The following ARAP2 variants were observed in gnomAD, a reference collection of about 807,000 sequenced individuals.
ARAP2 encodes ArfGAP with RhoGAP domain, ankyrin repeat and PH domain 2.
ARAP2 carries 148 observed loss-of-function variants against 194.5 expected under a neutral mutation model. The ratio of observed to expected loss-of-function variants is 0.76; its 90% CI spans 0.67 to 0.87. The LOEUF is 0.87. ARAP2 is among the 40% of genes least tolerant of loss of function. The pLI, the probability that ARAP2 is intolerant of heterozygous loss-of-function variation, is 0.00. For missense variants in ARAP2, 2,128 were observed against 1,989.7 expected, an observed-to-expected ratio of 1.07 and a Z score of -1.32; for synonymous variants, 695 against 683.5, an observed-to-expected ratio of 1.02 and a Z score of -0.26.
At chr4:36,186,307 G>T (rs893345327) in intron 8 of ARAP2, among the ~76,000 whole-genome samples, 2 of 151,996 alleles carry the variant, frequency 1.3e-5, no homozygotes, top group African/African-American at 2.4e-5. Flanking sequence ...AATTTCTCTG[G>T]CTCCTCCCCA....
At chr4:36,036,683 C>T (rs1454555233) in intron 5 of ARAP2, among the ~76,000 whole-genome samples, 1 of 151,956 alleles carries the variant, frequency 6.6e-6, no homozygotes, top group East Asian at 1.9e-4. Flanking sequence ...TGGAATCATA[C>T]AAGATAAAAT....
intron 8 of ARAP2, among the ~76,000 whole-genome samples, chr4:36,182,468 C>T (rs1279581612): frequency 1.3e-5 from 2 of 151,004 alleles, no homozygotes; most frequent in Non-Finnish European, 2.9e-5. Flanking sequence ...TGCACTCCAG[C>T]CTGTGTGACA....
intron 15 of ARAP2, among the ~76,000 whole-genome samples, chr4:36,155,723 C>T (rs1047577908): frequency 5.3e-5 from 8 of 150,664 alleles, no homozygotes; most frequent in African/African-American, 1.5e-4. Context: ...AGTGCAGTGG[C>T]GCAATCTCGG....
chr4:36,171,652 C>T (rs562766683), intron 9 of ARAP2, among the ~76,000 whole-genome samples: 112 of 151,762 alleles, frequency 7.4e-4, no homozygotes, highest in Admixed American at 9.8e-4. Flanking sequence ...TACATGTACC[C>T]TAAAACTTAA....
At chr4:36,054,547 T>G (rs1418601781) in intron 2 of ARAP2, among the ~76,000 whole-genome samples, 1 of 152,162 alleles carries the variant, frequency 6.6e-6, no homozygotes, top group Non-Finnish European at 1.5e-5. Flanking sequence ...GAAAATGGAT[T>G]TTAATTATAA....
rs370367384 is a variant in ARAP2, at chr4:36,220,263, G to A, written c.906-5783C>T. 1.3e-4 allele frequency among the ~76,000 whole-genome samples: 20 copies of A among 151,950 alleles called. No homozygotes were observed. In the South Asian group the frequency reaches 3.5e-3, roughly 27 times the overall value. Reference sequence around the variant, plus strand: ...TGTGTGTGTGTGTACAGTCATCCCCGGCACGTTTTGATCAATGACAGACTG... The same window carrying A: ...TGTGTGTGTGTGTACAGTCATCCCCAGCACGTTTTGATCAATGACAGACTG... On this transcript the variant is annotated intron_variant, in intron 2 of 32. Coordinates refer to ENST00000303965, the MANE Select transcript of ARAP2 (RefSeq NM_015230.4).
chr4:36,082,424 T>A, intron 29 of ARAP2, 138 bp from the exon 30 acceptor site: 1 of 822,474 alleles, frequency 1.2e-6, no homozygotes, highest in Non-Finnish European at 1.9e-6. Context: ...TTCAATGTGT[T>A]GGACTTAGCT....
chr4:36,081,444 G>T (rs530525135), intron 30 of ARAP2, among the ~76,000 whole-genome samples: 1 of 152,222 alleles, frequency 6.6e-6, no homozygotes, highest in East Asian at 1.9e-4. Flanking sequence ...GGTGAATAAA[G>T]ATAGATGATT....
chr4:36,073,967 CT>C, intron 31 of ARAP2, 144 bp from the exon 32 acceptor site: 4 of 1,066,480 alleles, frequency 3.8e-6, no homozygotes, highest in Non-Finnish European at 5.4e-6. Flanking sequence ...ATGATGTTGA[CT>C]CTGGTGGCAG....
chr4:36,146,335 C>T (rs1729614641), intron 19 of ARAP2, among the ~76,000 whole-genome samples: 1 of 152,026 alleles, frequency 6.6e-6, no homozygotes, highest in Admixed American at 6.6e-5. Context: ...ATAAATCAGA[C>T]CATTCCACTC....
At chr4:36,075,354 C>T (rs1249094354) in intron 31 of ARAP2, among the ~76,000 whole-genome samples, 1 of 152,060 alleles carries the variant, frequency 6.6e-6, no homozygotes, top group African/African-American at 2.4e-5. Flanking sequence ...TACTTTACAT[C>T]CAAGTGATGT....
At chr4:36,149,698 T>C (rs1014051720) in intron 16 of ARAP2, among the ~76,000 whole-genome samples, 8 of 152,194 alleles carry the variant, frequency 5.3e-5, no homozygotes, top group Admixed American at 5.2e-4. Flanking sequence ...CCATAAGTCA[T>C]ATTACATTGA....
Position 36,165,197 on chromosome 4 carries a change from C to T in ARAP2, c.1974-84G>A, listed in dbSNP as rs972492168. ...ATGTTCAGTTTGCATATTCATTTCA[C>T]TCACAAATTAAACAACAGCTGAAAA... On this transcript the variant is annotated intron_variant, in intron 10 of 32. Coordinates refer to ENST00000303965, the MANE Select transcript of ARAP2 (RefSeq NM_015230.4). 2.2e-6 allele frequency: 3 copies of T among 1,347,694 alleles called. No individual in the cohort carries two copies. In the African/African-American group the frequency reaches 4.3e-5, roughly 19 times the overall value. The allele number at this position is 1,347,694 out of a possible 1,614,324, so 83.5% of individuals were successfully genotyped here.
chr4:36,162,864 T>C (rs1734417172), intron 11 of ARAP2, among the ~76,000 whole-genome samples: 1 of 152,024 alleles, frequency 6.6e-6, no homozygotes, highest in African/African-American at 2.4e-5. Context: ...TGAATGAGAC[T>C]TGGTGGGTTT....
intron 2 of ARAP2, among the ~76,000 whole-genome samples, chr4:36,055,601 T>C (rs1723364445): frequency 6.6e-6 from 1 of 152,184 alleles, no homozygotes; most frequent in Non-Finnish European, 1.5e-5. Flanking sequence ...TCTCACTCTG[T>C]CGCCCAGGCT....
intron 6 of ARAP2, among the ~76,000 whole-genome samples, chr4:36,200,712 A>G (rs1744190641): frequency 6.6e-6 from 1 of 152,178 alleles, no homozygotes; most frequent in Non-Finnish European, 1.5e-5. Context: ...ATGATTACTA[A>G]ATGTTTAAGA....
At chr4:36,023,677 A>C (rs145202078) in intron 5 of ARAP2, among the ~76,000 whole-genome samples, 36 of 152,320 alleles carry the variant, frequency 2.4e-4, no homozygotes, top group African/African-American at 8.4e-4. Flanking sequence ...ATATTTATTG[A>C]ATTTCAGCAG....
intron 10 of ARAP2, chr4:36,005,721 T>C (rs1254001717): frequency 6.6e-6 from 1 of 152,172 alleles, no homozygotes; most frequent in Admixed American, 6.6e-5. Flanking sequence ...ATCATGTCTT[T>C]CACATAGCCC....
intron 13 of ARAP2, chr4:36,159,763 T>A (rs1228434613): frequency 1.1e-5 from 3 of 267,582 alleles, no homozygotes; most frequent in Middle Eastern, 2.2e-3. Flanking sequence ...ACCTAATCCA[T>A]CATACTTGCT....
Sources: gnomAD v4.1 joint callset for allele counts (sites outside exome capture counted in the v4.1 genomes callset) on GRCh38, gnomAD v4.1.1 for gene constraint, MANE v1.5 for transcripts, NCBI Gene and HGNC (gene_info 2026-07-23, HGNC 2026-07-21) for gene names.